The following KCTD16 variants were observed in gnomAD, a reference collection of about 807,000 sequenced individuals.
KCTD16 encodes the protein potassium channel tetramerization domain containing 16, also known as BTB/POZ domain-containing protein KCTD16.
A neutral mutation model predicts 33.2 loss-of-function variants in KCTD16; 13 were observed. The ratio of observed to expected loss-of-function variants is 0.39; its 90% confidence interval spans 0.25 to 0.62. The LOEUF is 0.62. Ranked by LOEUF, KCTD16 falls within the 20% of genes least tolerant of loss-of-function variation. KCTD16 has a pLI of 0.50. For missense variants in KCTD16, 441 were observed against 525.1 expected, an observed-to-expected ratio of 0.84 and a Z score of 1.57; for synonymous variants, 197 against 195.3, an observed-to-expected ratio of 1.01 and a Z score of -0.07.
chr5:144,297,084 G>C (rs550771233), intron 3 of KCTD16, among the ~76,000 whole-genome samples: 5 of 152,324 alleles, frequency 3.3e-5, no homozygotes, highest in African/African-American at 1.2e-4. Context: ...ATGGAAATGA[G>C]ATTATAAGAG....
At chr5:144,397,441 T>G (rs1377680588) in intron 3 of KCTD16, among the ~76,000 whole-genome samples, 1 of 152,150 alleles carries the variant, frequency 6.6e-6, no homozygotes, top group African/African-American at 2.4e-5. Context: ...ATATACCCAG[T>G]AATGGGATGG....
rs1199794683 is a variant in KCTD16, at chr5:144,305,842, TA to T, written c.832+98302del. 3.3e-5 allele frequency among the ~76,000 whole-genome samples: 5 copies of T among 151,650 alleles called. No individual in the cohort carries two copies. In the East Asian group the frequency reaches 5.8e-4, roughly 18 times the overall value. On this transcript the variant is annotated intron_variant, in intron 3 of 3. Coordinates refer to ENST00000512467, the MANE Select transcript of KCTD16 (RefSeq NM_020768.4). ...AATAAAAATAAAAATAAAAAATAAA[TA>T]AAAAATAAGAAGGAGTCCACCTATA... is the stretch of plus-strand genomic sequence containing the variant.
chr5:144,345,210 T>TC (rs1752762477), intron 3 of KCTD16, among the ~76,000 whole-genome samples: 1 of 29,732 alleles, frequency 3.4e-5, no homozygotes, highest in African/African-American at 9.9e-5. Context: ...TGTTGTGGGG[T>TC]GGGGGAGGGG....
intron 3 of KCTD16, among the ~76,000 whole-genome samples, chr5:144,352,355 A>G (rs1437260420): frequency 6.6e-6 from 1 of 152,176 alleles, no homozygotes; most frequent in Admixed American, 6.5e-5. Flanking sequence ...GTTCATTCAT[A>G]TTGAATACGA....
intron 3 of KCTD16, among the ~76,000 whole-genome samples, chr5:144,467,973 A>G (rs1754385419): frequency 6.6e-6 from 1 of 152,088 alleles, no homozygotes; most frequent in Non-Finnish European, 1.5e-5. Flanking sequence ...CTAGAGGGAG[A>G]CACTAAAACA....
At chr5:144,183,045 T>TAAA (rs199836614) in intron 2 of KCTD16, among the ~76,000 whole-genome samples, 1 of 138,528 alleles carries the variant, frequency 7.2e-6, no homozygotes, top group Non-Finnish European at 1.6e-5. Context: ...TAATGAAACA[T>TAAA]AAAAAAAAAA....
intron 3 of KCTD16, among the ~76,000 whole-genome samples, chr5:144,326,414 G>A (rs1056834096): frequency 2.0e-5 from 3 of 152,098 alleles, no homozygotes; most frequent in South Asian, 2.1e-4. Flanking sequence ...TTTAAAAAAT[G>A]TTTGTAACCT....
At chr5:144,300,870 C>A (rs1277212840) in intron 3 of KCTD16, among the ~76,000 whole-genome samples, 1 of 152,060 alleles carries the variant, frequency 6.6e-6, no homozygotes, top group African/African-American at 2.4e-5. Context: ...ACAAACCATG[C>A]TCAAGAAATG....
At chr5:144,446,392 T>A (rs1753818093) in intron 3 of KCTD16, among the ~76,000 whole-genome samples, 2 of 152,108 alleles carry the variant, frequency 1.3e-5, no homozygotes, top group African/African-American at 2.4e-5. Context: ...TTACACCTTA[T>A]ACAAAAATTA....
intron 3 of KCTD16, among the ~76,000 whole-genome samples, chr5:144,391,921 C>T (rs1310865480): frequency 6.6e-6 from 1 of 152,092 alleles, no homozygotes; most frequent in Non-Finnish European, 1.5e-5. Flanking sequence ...AGTGCCTACC[C>T]AATGACAAGT....
intron 3 of KCTD16, among the ~76,000 whole-genome samples, chr5:144,340,401 CAAAAAAAAAA>C (rs1208475292): frequency 2.1e-5 from 1 of 48,252 alleles, no homozygotes; most frequent in Non-Finnish European, 4.8e-5. Context: ...GACTCCATCT[CAAAAAAAAAA>C]AAAAAAAAAA....
chr5:144,313,353 C>A (rs1751816200), intron 3 of KCTD16, among the ~76,000 whole-genome samples: 2 of 152,124 alleles, frequency 1.3e-5, no homozygotes, highest in Non-Finnish European at 2.9e-5. Flanking sequence ...AGTTTTCTGC[C>A]AAACACACCC....
At chr5:144,259,921 G>A (rs542219286) in intron 3 of KCTD16, among the ~76,000 whole-genome samples, 10 of 152,228 alleles carry the variant, frequency 6.6e-5, no homozygotes, top group South Asian at 4.1e-4. Flanking sequence ...GTTCAACCCC[G>A]TTCTGTCATG....
intron 3 of KCTD16, among the ~76,000 whole-genome samples, chr5:144,336,447 G>A (rs1293258320): frequency 6.6e-6 from 1 of 152,186 alleles, no homozygotes; most frequent in Non-Finnish European, 1.5e-5. Context: ...TAGTAAGCAA[G>A]CTGCCACTGT....
intron 3 of KCTD16, among the ~76,000 whole-genome samples, chr5:144,372,020 T>C (rs958667640): frequency 1.3e-5 from 2 of 152,116 alleles, no homozygotes; most frequent in Non-Finnish European, 2.9e-5. Context: ...GACATGTCTA[T>C]CTGCTTGACA....
At chr5:144,306,397 C>T (rs1041653825) in intron 3 of KCTD16, among the ~76,000 whole-genome samples, 8 of 152,226 alleles carry the variant, frequency 5.3e-5, no homozygotes, top group African/African-American at 1.9e-4. Flanking sequence ...CCACGACCCC[C>T]ACTGCCTGCC....
At chr5:144,386,353 G>A (rs529507913) in intron 3 of KCTD16, among the ~76,000 whole-genome samples, 2 of 152,250 alleles carry the variant, frequency 1.3e-5, no homozygotes, top group African/African-American at 4.8e-5. Context: ...GTAGCAAGAG[G>A]AGTTTCTTGA....
At chr5:144,197,079 C>T (rs1325820586) in intron 2 of KCTD16, among the ~76,000 whole-genome samples, 1 of 152,158 alleles carries the variant, frequency 6.6e-6, no homozygotes, top group African/African-American at 2.4e-5. Context: ...CCATCCTACA[C>T]ACATGTTTGG....
In KCTD16 at chr5:144,203,257, T is replaced by C. The variant is rs188645049; in HGVS notation, c.-326-3132T>C. Among the ~76,000 whole-genome samples, 88 of 152,114 alleles carry C rather than the reference T, an allele frequency of 5.8e-4. 1 individual carries two copies. The East Asian group carries it at 0.015, about 25-fold the overall frequency. On this transcript the variant is annotated intron_variant, in intron 2 of 3. Transcript: ENST00000512467. ...GTAATATTAATACTCTTTTTAAGAGTATTAATATTAATATTAATTCTTGGT... is the reference window on the plus strand; with the variant it reads ...GTAATATTAATACTCTTTTTAAGAGCATTAATATTAATATTAATTCTTGGT...
Sources: allele counts gnomAD v4.1 joint callset (sites outside exome capture counted in the v4.1 genomes callset), GRCh38; gene constraint gnomAD v4.1.1; transcripts MANE v1.5; gene names NCBI Gene and HGNC (gene_info 2026-07-23, HGNC 2026-07-21).